PLAUR: variants seen among roughly 807,000 people sequenced by gnomAD.
PLAUR encodes urokinase plasminogen activator surface receptor.
Under a neutral mutation model 33.4 loss-of-function variants are expected in PLAUR, and 22 were observed. The ratio of observed to expected loss-of-function variants is 0.66; its 90% CI spans 0.47 to 0.94. PLAUR has a LOEUF of 0.94. Among genes scored for constraint, PLAUR ranks in the 40% least tolerant of loss-of-function variants. The probability of loss-of-function intolerance (pLI) is 0.00; values close to 1 mark genes in which losing one functional copy is unlikely to be tolerated. For synonymous variants in PLAUR, 148 were observed against 167.3 expected (o/e 0.88, Z 0.89); for missense variants, 408 against 434.7 (o/e 0.94, Z 0.55).
In PLAUR at chr19:43,656,552, C is replaced by T. The variant is rs376187897; in HGVS notation, c.399G>A (p.Gln133=). The change falls in exon 4 of 7, where the codon CAG becomes CAA. Residue 133 remains glutamine (Q), a synonymous_variant. Transcript: ENST00000340093. ...CTTCAGGGCTGCGGCACTGCAGGCT[C>T]TGGTGCCGGCCCCTCTCACAGCTCA... ...SDMSCERGRH[Q]SLQCRSPEEQ... 18 of 1,613,042 alleles carry T rather than the reference C, an allele frequency of 1.1e-5. 1 individual carries two copies. Among genetic ancestry groups the T allele is most frequent in the Middle Eastern group, 3.3e-4 (2 of 6,084 alleles).
At chr19:43,647,299 G>A (rs1973840945), downstream of PLAUR, among the ~76,000 whole-genome samples, 1 of 152,132 alleles carries the variant, frequency 6.6e-6, no homozygotes, top group Non-Finnish European at 1.5e-5. Flanking sequence ...AGCACATCAG[G>A]GGAAGTGCAC....
At chr19:43,652,392 A>G (rs373861572) in intron 5 of PLAUR, 21 bp from the exon 6 acceptor site, 104 of 1,610,144 alleles carry the variant, frequency 6.5e-5, no homozygotes, top group Non-Finnish European at 8.5e-5. Flanking sequence ...GACCAGAGAC[A>G]CAGAGACCAA....
chr19:43,655,992 C>T (rs532831737), intron 4 of PLAUR, among the ~76,000 whole-genome samples: 5 of 152,110 alleles, frequency 3.3e-5, no homozygotes, highest in Admixed American at 2.6e-4. Flanking sequence ...TGGTGGCTCA[C>T]GCTTGTAATC....
rs1974224386 is a variant in PLAUR, at chr19:43,656,615, G to GCTT, written c.333_335dup (p.Arg111dup). The GCTT allele has an allele frequency of 6.2e-7, 1 of 1,608,484 alleles. No homozygotes were observed. The highest frequency in any genetic ancestry group is 8.5e-7 in the Non-Finnish European group (1 of 1,176,724). ...CACAGGAAATGCATTCGAGGTAACG[G>GCTT]CTTCGGGAATAGGTGACAGCCCGGC... is the stretch of plus-strand genomic sequence containing the variant. On this transcript the variant is annotated inframe_insertion, in exon 4 of 7. Coordinates refer to ENST00000340093, the MANE Select transcript of PLAUR (RefSeq NM_002659.4).
chr19:43,658,066 G>T (rs1050636755), intron 3 of PLAUR, among the ~76,000 whole-genome samples: 1 of 151,938 alleles, frequency 6.6e-6, no homozygotes, highest in Non-Finnish European at 1.5e-5. Flanking sequence ...AAGAAGAAAA[G>T]AATAAGGATG....
rs767479780 is a variant in PLAUR, at chr19:43,654,283, C to T, written c.607+1156G>A. Among the ~76,000 whole-genome samples the T allele has an allele frequency of 1.7e-4, 26 of 151,978 alleles. No individual in the cohort carries two copies. In the East Asian group the frequency reaches 1.7e-3, roughly 10 times the overall value. ...CCAGCCTGGGTGGCAGAGCAAGACCCTATGTCTAAAGAAAACACAAAACCC... is the reference window on the plus strand; with the variant it reads ...CCAGCCTGGGTGGCAGAGCAAGACCTTATGTCTAAAGAAAACACAAAACCC... On this transcript the variant is annotated intron_variant, in intron 5 of 6. Transcript: ENST00000340093.
chr19:43,668,874 TC>T (rs1294859474), intron 1 of PLAUR, among the ~76,000 whole-genome samples: 1 of 145,166 alleles, frequency 6.9e-6, no homozygotes, highest in Non-Finnish European at 1.5e-5. Flanking sequence ...CTGTAACCTC[TC>T]CCGTAGCTCT....
intron 6 of PLAUR, among the ~76,000 whole-genome samples, chr19:43,650,201 G>A (rs1973938677): frequency 6.6e-6 from 1 of 151,528 alleles, no homozygotes; most frequent in African/African-American, 2.4e-5. Flanking sequence ...AGTAGAGACG[G>A]GGTTTCACCA....
At chr19:43,670,030 T>A (rs373838084) in intron 1 of PLAUR, 36 bp downstream of exon 1, 12 of 1,608,012 alleles carry the variant, frequency 7.5e-6, no homozygotes, top group African/African-American at 1.3e-5. Context: ...AATTAGACCC[T>A]GTTCCAGGCG....
chr19:43,666,897 G>A (rs561855258), intron 2 of PLAUR, among the ~76,000 whole-genome samples: 1 of 140,914 alleles, frequency 7.1e-6, no homozygotes. Context: ...TCATTTTTTT[G>A]ACAGGATCTC....
chr19:43,646,808 T>G (rs1241901781), downstream of PLAUR, among the ~76,000 whole-genome samples: 1 of 147,422 alleles, frequency 6.8e-6, no homozygotes, highest in East Asian at 2.0e-4. Flanking sequence ...TTTTTTTTTT[T>G]TTTGGGGATA....
At chr19:43,664,790 G>A (rs4251836) in intron 3 of PLAUR, among the ~76,000 whole-genome samples, 1,595 of 152,132 alleles carry the variant, frequency 0.01, 26 homozygotes, top group African/African-American at 0.037. Context: ...ACCATCTCCC[G>A]TCCCAATGGA....
At chr19:43,662,726 T>G (rs1289311705) in intron 3 of PLAUR, among the ~76,000 whole-genome samples, 1 of 151,730 alleles carries the variant, frequency 6.6e-6, no homozygotes, top group East Asian at 1.9e-4. Context: ...CACTGTTTTT[T>G]TTTTTTTTTG....
intron 3 of PLAUR, among the ~76,000 whole-genome samples, chr19:43,657,484 C>G (rs537551691): frequency 6.6e-6 from 1 of 152,334 alleles, no homozygotes; most frequent in African/African-American, 2.4e-5. Context: ...GCATCCAGGC[C>G]TTTGCATATG....
At chr19:43,659,434 T>G (rs1974350750) in intron 3 of PLAUR, among the ~76,000 whole-genome samples, 1 of 152,172 alleles carries the variant, frequency 6.6e-6, no homozygotes, top group Non-Finnish European at 1.5e-5. Context: ...ATTACAGACG[T>G]GAGTACCGCA....
In PLAUR at chr19:43,655,511, T is replaced by C. The variant is rs780629474; in HGVS notation, c.535A>G (p.Asn179Asp). 2.5e-6 allele frequency: 4 copies of C among 1,614,170 alleles called. No homozygotes were observed. In the South Asian group the frequency reaches 4.4e-5, roughly 18 times the overall value. Residue 179 changes from asparagine to aspartate, a missense_variant, in exon 5 of 7, where the codon AAT (asparagine) becomes GAT (aspartate). Transcript: ENST00000340093. ...CGYLPGCPGS[N>D]GFHNNDTFHF... ...AAGGTGTCGTTGTTGTGGAAACCAT[T>C]GGAGCCCGGGCAGCCGGGAAGGTAG...
Position 43,670,082 on chromosome 19 carries a change from G to GAGCAGCAGC in PLAUR, c.30_38dup (p.Leu11_Leu13dup), listed in dbSNP as rs768969786. The GAGCAGCAGC allele has an allele frequency of 3.1e-6, 5 of 1,612,942 alleles. No homozygotes were observed. The highest frequency in any genetic ancestry group is 1.6e-4 in the Middle Eastern group (1 of 6,084). ...AGCCCCTACCTGGGACGCAGGTGTG[G>GAGCAGCAGC]AGCAGCAGCAGCAGCGGCAGCAGCG... On this transcript the variant is annotated inframe_insertion, in exon 1 of 7. Coordinates refer to ENST00000340093, the MANE Select transcript of PLAUR (RefSeq NM_002659.4).
intron 2 of PLAUR, among the ~76,000 whole-genome samples, 166 bp from the exon 3 acceptor site, chr19:43,665,625 C>G (rs56066120): frequency 1.5e-4 from 22 of 143,212 alleles, no homozygotes; most frequent in Non-Finnish European, 2.7e-4. Context: ...GCCTCCACCC[C>G]CACCCCAACA....
intron 3 of PLAUR, among the ~76,000 whole-genome samples, chr19:43,663,134 T>G (rs574099402): frequency 1.3e-5 from 2 of 152,144 alleles, no homozygotes; most frequent in Non-Finnish European, 2.9e-5. Flanking sequence ...ATCCCAGCCC[T>G]GACCCCTCTG....
Sources: allele counts gnomAD v4.1 joint callset (sites outside exome capture counted in the v4.1 genomes callset), GRCh38; gene constraint gnomAD v4.1.1; transcripts MANE v1.5; gene names NCBI Gene and HGNC (gene_info 2026-07-23, HGNC 2026-07-21).